CDH11: variants seen among roughly 807,000 people sequenced by gnomAD.
CDH11 encodes cadherin-11.
In CDH11, 11 loss-of-function variants were observed where a neutral mutation model predicts 67.8. The observed-to-expected ratio is 0.16, with a 90% CI of 0.10 to 0.27. The LOEUF is 0.27. Among genes scored for constraint, CDH11 ranks in the 10% least tolerant of loss-of-function variants. CDH11 has a pLI of 1.00. For synonymous variants in CDH11, 419 were observed against 400.0 expected, an observed-to-expected ratio of 1.05 and a Z score of -0.57; for missense variants, 847 against 1,031.2, an observed-to-expected ratio of 0.82 and a Z score of 2.45.
At chr16:64,974,330 C>T (rs974954196) in intron 8 of CDH11, among the ~76,000 whole-genome samples, 1 of 152,036 alleles carries the variant, frequency 6.6e-6, no homozygotes, top group African/African-American at 2.4e-5. Flanking sequence ...TATGATTTCC[C>T]AAAATTTACA....
chr16:64,958,848 G>C, intron 11 of CDH11, among the ~76,000 whole-genome samples: 1 of 151,908 alleles, frequency 6.6e-6, no homozygotes, highest in Non-Finnish European at 1.5e-5. Context: ...ATTTTTTGTG[G>C]CAAAGAGACC....
At chr16:65,047,179 G>A (rs1293107317) in intron 2 of CDH11, among the ~76,000 whole-genome samples, 1 of 152,134 alleles carries the variant, frequency 6.6e-6, no homozygotes, top group Non-Finnish European at 1.5e-5. Flanking sequence ...CAAATGTGGA[G>A]GAAGTAGCTA....
chr16:65,107,253 T>C (rs1478007150), intron 1 of CDH11, among the ~76,000 whole-genome samples: 3 of 152,236 alleles, frequency 2.0e-5, no homozygotes. Flanking sequence ...GTTGCTGAAT[T>C]ATCCTAGGTC....
intron 1 of CDH11, among the ~76,000 whole-genome samples, chr16:65,080,602 T>C (rs2074594313): frequency 6.6e-6 from 1 of 152,248 alleles, no homozygotes; most frequent in Admixed American, 6.5e-5. Flanking sequence ...CATGTATGTG[T>C]ATGTGGGTAT....
chr16:64,981,950 C>G (rs2072361142), intron 8 of CDH11, 98 bp downstream of exon 8: 1 of 1,097,454 alleles, frequency 9.1e-7, no homozygotes, highest in East Asian at 2.4e-5. Flanking sequence ...AACTTGAACC[C>G]TTTTTGAAAT....
Position 64,998,761 on chromosome 16 carries a change from C to T in CDH11, c.324G>A (p.Gly108=), listed in dbSNP as rs771704125. ...CCAACGTCTTGGTGGCATGAATGTT[C>T]CCTGATTTGTCATCAATCACAAAAA... is the stretch of plus-strand genomic sequence containing the variant. The part of the protein sequence containing the change: ...GTIFVIDDKS[G]NIHATKTLDR... Residue 108 remains glycine (G), a synonymous_variant, in exon 4 of 13, where the codon GGG becomes GGA. Transcript: ENST00000268603. The T allele has an allele frequency of 4.3e-6, 7 of 1,614,118 alleles. No homozygotes were observed.
rs574753743 is a variant in CDH11 at position 65,049,159 on chromosome 16, A to G, written c.-173+4645T>C. On this transcript the variant is annotated intron_variant, in intron 2 of 12. Transcript: ENST00000268603. ...TCACCATTATGCAAAATACACATACAATAAGCATGTACATGTACCCCCTGA... is the reference window on the plus strand; with the variant it reads ...TCACCATTATGCAAAATACACATACGATAAGCATGTACATGTACCCCCTGA... 2.0e-5 allele frequency among the ~76,000 whole-genome samples: 3 copies of G among 152,330 alleles called. No homozygotes were observed. In the East Asian group the frequency reaches 5.8e-4, roughly 29 times the overall value.
rs751824771 is a variant in CDH11, at chr16:64,971,709, G to C, written c.1525-13C>G. On this transcript the variant is annotated splice_polypyrimidine_tract_variant and intron_variant, in intron 10 of 12. Transcript: ENST00000268603. ...TTGTAACAATTGGCTGAAAGAGAAA[G>C]GTGGCCCATAAATAAATCATGCTGA... The C allele has an allele frequency of 3.2e-6, 5 of 1,570,450 alleles. No individual in the cohort carries two copies. Among genetic ancestry groups the C allele is most frequent in the Admixed American group, 1.7e-5 (1 of 59,478 alleles).
chr16:65,002,180 C>T (rs1016540481), intron 3 of CDH11, among the ~76,000 whole-genome samples: 1 of 152,164 alleles, frequency 6.6e-6, no homozygotes, highest in African/African-American at 2.4e-5. Context: ...ATGTACCTAG[C>T]TTTTGAAGGT....
intron 1 of CDH11, among the ~76,000 whole-genome samples, chr16:65,088,387 T>A (rs1315117519): frequency 6.6e-6 from 1 of 152,226 alleles, no homozygotes; most frequent in Admixed American, 6.5e-5. Context: ...TCATTTTAGT[T>A]GTCATGCTAA....
chr16:65,011,027 A>G (rs1204930195), intron 2 of CDH11, among the ~76,000 whole-genome samples: 1 of 148,236 alleles, frequency 6.7e-6, no homozygotes, highest in Non-Finnish European at 1.5e-5. Flanking sequence ...GTATATATAT[A>G]CACACATATG....
At chr16:65,030,640 G>A (rs924079862) in intron 2 of CDH11, among the ~76,000 whole-genome samples, 9 of 152,082 alleles carry the variant, frequency 5.9e-5, no homozygotes, top group East Asian at 1.9e-4. Flanking sequence ...GGGCCGTTTC[G>A]GCTCACTGCA....
rs141115907 is a variant in CDH11, at chr16:65,095,726, A to G, written c.-298+26154T>C. 4.5e-4 allele frequency among the ~76,000 whole-genome samples: 68 copies of G among 152,270 alleles called. No homozygotes were observed. The East Asian group carries it at 7.5e-3, about 17-fold the overall frequency. ...TCTGCCCTTCCTGCCTACCTGCCCTATGGATTTTGAATTTTCCCAGCCAAC... is the reference window on the plus strand; with the variant it reads ...TCTGCCCTTCCTGCCTACCTGCCCTGTGGATTTTGAATTTTCCCAGCCAAC... On this transcript the variant is annotated intron_variant, in intron 1 of 12. Transcript: ENST00000268603.
chr16:65,092,159 G>C (rs1200936854), intron 1 of CDH11, among the ~76,000 whole-genome samples: 1 of 152,096 alleles, frequency 6.6e-6, no homozygotes, highest in Non-Finnish European at 1.5e-5. Context: ...CCATCCTACA[G>C]CACAGTGATT....
At chr16:64,991,286 G>C (rs1325104629) in intron 6 of CDH11, 2 of 154,998 alleles carry the variant, frequency 1.3e-5, no homozygotes, top group Non-Finnish European at 2.9e-5. Flanking sequence ...ATGGAGAACA[G>C]AGGCATGCTG....
chr16:65,057,386 C>T (rs2074161119), intron 1 of CDH11, among the ~76,000 whole-genome samples: 1 of 152,194 alleles, frequency 6.6e-6, no homozygotes, highest in Admixed American at 6.5e-5. Context: ...ATCAGCCCTT[C>T]CATCATTGTG....
intron 1 of CDH11, among the ~76,000 whole-genome samples, chr16:65,068,930 A>G (rs1347310029): frequency 1.3e-5 from 2 of 152,212 alleles, no homozygotes. Context: ...TCTAATATTG[A>G]CTAATTTGAT....
intron 2 of CDH11, among the ~76,000 whole-genome samples, chr16:65,027,649 G>A (rs1448698216): frequency 2.0e-5 from 3 of 152,198 alleles, no homozygotes; most frequent in Non-Finnish European, 2.9e-5. Flanking sequence ...AGATGTCCAC[G>A]ACAGAAAGGC....
chr16:65,076,084 T>C (rs545378099), intron 1 of CDH11, among the ~76,000 whole-genome samples: 1 of 152,252 alleles, frequency 6.6e-6, no homozygotes, highest in South Asian at 2.1e-4. Flanking sequence ...ATGAGATGAG[T>C]GCACCTGTGC....
Sources: allele counts gnomAD v4.1 joint callset (sites outside exome capture counted in the v4.1 genomes callset), GRCh38; gene constraint gnomAD v4.1.1; transcripts MANE v1.5; gene names NCBI Gene and HGNC (gene_info 2026-07-23, HGNC 2026-07-21).